The following TBC1D22A variants were observed in gnomAD, a reference collection of about 807,000 sequenced individuals.
TBC1D22A encodes TBC1 domain family member 22A, also known as putative GTPase activator.
A neutral mutation model predicts 60.2 loss-of-function variants in TBC1D22A; 38 were observed. The ratio of observed to expected loss-of-function variants is 0.63; its 90% confidence interval spans 0.49 to 0.83. TBC1D22A has a LOEUF of 0.83. TBC1D22A is among the 40% of genes least tolerant of loss of function. TBC1D22A has a pLI of 0.00. For missense variants in TBC1D22A, 628 were observed against 701.0 expected (o/e 0.90, Z 1.18); for synonymous variants, 302 against 281.7 (o/e 1.07, Z -0.72).
At chr22:47,127,676 G>A (rs944650956) in intron 12 of TBC1D22A, among the ~76,000 whole-genome samples, 3 of 152,076 alleles carry the variant, frequency 2.0e-5, no homozygotes, top group Non-Finnish European at 4.4e-5. Flanking sequence ...GAGAACATCC[G>A]CCTCGTCATT....
chr22:46,876,662 G>A (rs548737163), intron 4 of TBC1D22A, among the ~76,000 whole-genome samples: 1 of 152,330 alleles, frequency 6.6e-6, no homozygotes, highest in Admixed American at 6.5e-5. Context: ...GTTCTCAGAA[G>A]CCCTCAGCTG....
rs192629955 is a variant in TBC1D22A at position 47,128,744 on chromosome 22, C to T, written c.1425+17141C>T. Among the ~76,000 whole-genome samples, 402 of 152,236 alleles carry T rather than the reference C, an allele frequency of 2.6e-3. 1 individual carries two copies. The highest frequency in any genetic ancestry group is 8.9e-3 in the African/African-American group (370 of 41,552). ...CCCTGCTTGACCCAGTGGCCATGAC[C>T]GTGGCTAAGCCACGGACAGTCACGT... On this transcript the variant is annotated intron_variant, in intron 12 of 12. Transcript: ENST00000337137.
intron 12 of TBC1D22A, among the ~76,000 whole-genome samples, chr22:47,151,173 G>A (rs1466740487): frequency 6.6e-6 from 1 of 152,170 alleles, no homozygotes; most frequent in Non-Finnish European, 1.5e-5. Context: ...TGGCTGTGCG[G>A]GCCCAGAGCC....
At chr22:47,054,428 G>A (rs966228360) in intron 11 of TBC1D22A, among the ~76,000 whole-genome samples, 1 of 152,116 alleles carries the variant, frequency 6.6e-6, no homozygotes, top group African/African-American at 2.4e-5. Context: ...CATCGTCTGT[G>A]TCCACTCCCG....
intron 5 of TBC1D22A, among the ~76,000 whole-genome samples, chr22:46,881,051 C>T (rs2067824466): frequency 1.3e-5 from 2 of 151,982 alleles, no homozygotes; most frequent in African/African-American, 4.8e-5. Flanking sequence ...AGAGCTGGGG[C>T]ACACAGTAGG....
intron 11 of TBC1D22A, among the ~76,000 whole-genome samples, chr22:47,097,858 C>T (rs915839037): frequency 6.6e-6 from 1 of 152,088 alleles, no homozygotes; most frequent in African/African-American, 2.4e-5. Flanking sequence ...GGTGGGCTCC[C>T]TGTGCCCAGA....
At chr22:47,098,266 C>CGTT (rs2065260939) in intron 11 of TBC1D22A, among the ~76,000 whole-genome samples, 2 of 152,100 alleles carry the variant, frequency 1.3e-5, no homozygotes, top group Non-Finnish European at 2.9e-5. Context: ...CCTCCAGAAC[C>CGTT]CCCTGTCCCC....
chr22:47,074,249 G>A (rs1331744034), intron 11 of TBC1D22A, among the ~76,000 whole-genome samples: 1 of 152,228 alleles, frequency 6.6e-6, no homozygotes, highest in African/African-American at 2.4e-5. Flanking sequence ...TCCAAGCCAG[G>A]TTATGGCTTA....
chr22:46,986,785 C>G (rs949231220), intron 9 of TBC1D22A, among the ~76,000 whole-genome samples: 2 of 152,212 alleles, frequency 1.3e-5, no homozygotes, highest in East Asian at 3.8e-4. Flanking sequence ...ACAAATGACT[C>G]CCAAACCCTC....
chr22:47,134,996 C>T (rs1243926583), intron 12 of TBC1D22A, among the ~76,000 whole-genome samples: 1 of 152,238 alleles, frequency 6.6e-6, no homozygotes, highest in Non-Finnish European at 1.5e-5. Flanking sequence ...GCCACTTACC[C>T]GCTCCCTCAG....
intron 10 of TBC1D22A, among the ~76,000 whole-genome samples, chr22:47,024,187 C>G (rs940111121): frequency 1.3e-5 from 2 of 152,182 alleles, no homozygotes; most frequent in African/African-American, 4.8e-5. Flanking sequence ...ATCACCCTTA[C>G]AGTCACCGCT....
At chr22:46,865,093 C>T (rs558616705) in intron 4 of TBC1D22A, among the ~76,000 whole-genome samples, 2 of 152,318 alleles carry the variant, frequency 1.3e-5, no homozygotes, top group South Asian at 4.1e-4. Flanking sequence ...ATCCATCTCC[C>T]AACCTCCATT....
intron 4 of TBC1D22A, among the ~76,000 whole-genome samples, chr22:46,854,076 T>C (rs1265488999): frequency 6.6e-6 from 1 of 152,212 alleles, no homozygotes; most frequent in African/African-American, 2.4e-5. Flanking sequence ...CTGGACTTCT[T>C]GTTTTAAACA....
At chr22:47,049,081 T>C (rs1603167258) in intron 11 of TBC1D22A, among the ~76,000 whole-genome samples, 2 of 152,356 alleles carry the variant, frequency 1.3e-5, no homozygotes, top group East Asian at 3.9e-4. Flanking sequence ...CTTTCGTTAA[T>C]GGCCGGGAAG....
intron 8 of TBC1D22A, among the ~76,000 whole-genome samples, chr22:46,922,646 T>C (rs2070823249): frequency 6.6e-6 from 1 of 152,216 alleles, no homozygotes; most frequent in Non-Finnish European, 1.5e-5. Flanking sequence ...AGATCTTATA[T>C]GTTACCTGGT....
chr22:46,906,362 G>A (rs1337169904), intron 7 of TBC1D22A, among the ~76,000 whole-genome samples: 2 of 152,204 alleles, frequency 1.3e-5, no homozygotes, highest in African/African-American at 4.8e-5. Context: ...AGCTCTGTGT[G>A]GTTTGTGGCA....
chr22:47,118,758 A>G (rs894674994), intron 12 of TBC1D22A, among the ~76,000 whole-genome samples: 2 of 151,906 alleles, frequency 1.3e-5, no homozygotes, highest in African/African-American at 2.4e-5. Context: ...GGCTGAAAAC[A>G]TAGTCCTCCT....
intron 4 of TBC1D22A, among the ~76,000 whole-genome samples, chr22:46,854,688 T>TC (rs907108835): frequency 2.0e-5 from 3 of 152,112 alleles, no homozygotes; most frequent in African/African-American, 7.2e-5. Flanking sequence ...GCTTCCCTCT[T>TC]CCCCCTGCGA....
chr22:47,150,984 G>A (rs896822078), intron 12 of TBC1D22A, among the ~76,000 whole-genome samples: 10 of 152,174 alleles, frequency 6.6e-5, no homozygotes, highest in Admixed American at 2.6e-4. Flanking sequence ...GGCACCTGGC[G>A]TGACTGATGG....
Sources: allele counts gnomAD v4.1 joint callset (sites outside exome capture counted in the v4.1 genomes callset), GRCh38; gene constraint gnomAD v4.1.1; transcripts MANE v1.5; gene names NCBI Gene and HGNC (gene_info 2026-07-23, HGNC 2026-07-21).